The following CKS1B variants were observed in gnomAD, a reference collection of about 807,000 sequenced individuals.
The protein encoded by CKS1B is CDC28 protein kinase regulatory subunit 1B.
Under a neutral mutation model 12.2 loss-of-function variants are expected in CKS1B, and 5 were observed. The observed-to-expected ratio is 0.41, with a 90% CI of 0.21 to 0.86. The LOEUF (loss-of-function observed/expected upper bound fraction) is 0.86. Among genes scored for constraint, CKS1B ranks in the 40% least tolerant of loss-of-function variants. The probability of loss-of-function intolerance (pLI) is 0.32; values close to 1 mark genes in which losing one functional copy is unlikely to be tolerated. For missense variants in CKS1B, 53 were observed against 99.9 expected, an observed-to-expected ratio of 0.53 and a Z score of 2.00; for synonymous variants, 24 against 34.4, an observed-to-expected ratio of 0.70 and a Z score of 1.06.
intron 1 of CKS1B, among the ~76,000 whole-genome samples, chr1:154,976,242 T>C (rs1374379638): frequency 6.6e-6 from 1 of 152,254 alleles, no homozygotes; most frequent in Non-Finnish European, 1.5e-5. Flanking sequence ...AGGATGGTGA[T>C]GATGGAATCC....
At chr1:154,977,878 C>A (rs761528600) in intron 1 of CKS1B, 109 bp from the exon 2 acceptor site, 3 of 1,131,376 alleles carry the variant, frequency 2.7e-6, no homozygotes, top group Non-Finnish European at 3.7e-6. Context: ...TAAACTCTGA[C>A]ATCAAAAACC....
At chr1:154,975,252 GAA>G (rs1213019548) in intron 1 of CKS1B, 2 of 507,238 alleles carry the variant, frequency 3.9e-6, no homozygotes, top group Non-Finnish European at 7.1e-6. Flanking sequence ...ATTAACTCGT[GAA>G]AAAGACAAGG....
chr1:154,978,827 T>G lies in CKS1B; in HGVS notation c.*50T>G. On this transcript the variant is annotated 3_prime_UTR_variant, in exon 3 of 3. Transcript: ENST00000308987. ...CAAGCTTTACACAGCTGTCCTTACT[T>G]CCTAACATCTTTCTGATAACATTAT... is the stretch of plus-strand genomic sequence containing the variant. 1 of 1,082,986 alleles carries G rather than the reference T, an allele frequency of 9.2e-7. No homozygotes were observed. The highest frequency in any genetic ancestry group is 1.4e-6 in the Non-Finnish European group (1 of 705,340). 67.1% of individuals were successfully genotyped at this position (1,082,986 alleles called of 1,614,324 possible).
chr1:154,978,654 T>C, intron 2 of CKS1B, 71 bp from the exon 3 acceptor site: 1 of 1,247,292 alleles, frequency 8.0e-7, no homozygotes, highest in Non-Finnish European at 1.2e-6. Context: ...GGGGAGGTGG[T>C]AGTGGAATAC....
At chr1:154,978,208 G>T (rs1657237442) in intron 2 of CKS1B, 94 bp downstream of exon 2, 2 of 1,258,574 alleles carry the variant, frequency 1.6e-6, no homozygotes, top group South Asian at 1.9e-5. Flanking sequence ...GATAGGAAAT[G>T]GTTTACTGGT....
rs780925580 is a variant in CKS1B at position 154,974,766 on chromosome 1, C to T, written c.21C>T (p.Tyr7=). Residue 7 remains tyrosine, a synonymous_variant, in exon 1 of 3, where the codon TAC becomes TAT. Coordinates refer to ENST00000308987, the MANE Select transcript of CKS1B (RefSeq NM_001826.3). Reference sequence around the variant, plus strand: ...CGATCATGTCGCACAAACAAATTTACTATTCGGACAAATACGACGACGAGG... The same window carrying T: ...CGATCATGTCGCACAAACAAATTTATTATTCGGACAAATACGACGACGAGG... MSHKQI[Y]YSDKYDDEEF... 2.5e-6 allele frequency: 4 copies of T among 1,611,768 alleles called. No individual in the cohort carries two copies. In the East Asian group the frequency reaches 6.7e-5, roughly 27 times the overall value.
chr1:154,978,555 T>G (rs866844611), intron 2 of CKS1B, 170 bp from the exon 3 acceptor site: 2 of 622,142 alleles, frequency 3.2e-6, no homozygotes, highest in Middle Eastern at 5.1e-4. Flanking sequence ...AATTCTGTAC[T>G]TGGCAGACAG....
intron 1 of CKS1B, chr1:154,975,517 C>T (rs761301129): frequency 6.3e-6 from 1 of 158,464 alleles, no homozygotes; most frequent in Non-Finnish European, 1.4e-5. Flanking sequence ...GTGACACACG[C>T]TATGCAAGGA....
chr1:154,978,702 T>G, intron 2 of CKS1B, 23 bp from the exon 3 acceptor site: 3 of 1,611,838 alleles, frequency 1.9e-6, no homozygotes, highest in Non-Finnish European at 2.5e-6. Flanking sequence ...AGCTTGTCTC[T>G]TAGATTTCCC....
intron 1 of CKS1B, chr1:154,975,006 A>G (rs535239102): frequency 1.0e-5 from 15 of 1,473,408 alleles, no homozygotes; most frequent in South Asian, 3.4e-5. Context: ...GCGAATTTGG[A>G]GTCGCCTCTC....
At chr1:154,976,882 T>C (rs933014471) in intron 1 of CKS1B, among the ~76,000 whole-genome samples, 2 of 152,222 alleles carry the variant, frequency 1.3e-5, no homozygotes, top group African/African-American at 4.8e-5. Context: ...ACGAAGACTA[T>C]GTGGATTAGT....
At chr1:154,977,846 G>T in intron 1 of CKS1B, 141 bp from the exon 2 acceptor site, 1 of 764,522 alleles carries the variant, frequency 1.3e-6, no homozygotes, top group East Asian at 2.8e-5. Context: ...TCTAGCTGCT[G>T]CTACCCCACA....
chr1:154,977,778 T>G (rs1657226954), intron 1 of CKS1B: 2 of 526,604 alleles, frequency 3.8e-6, no homozygotes. Context: ...TCACTGGAAT[T>G]ATTCACTAAT....
Position 154,978,843 on chromosome 1 carries a change from A to C in CKS1B, c.*66A>C. 1 of 949,778 alleles carries C rather than the reference A, an allele frequency of 1.1e-6. No homozygotes were observed. Among genetic ancestry groups the C allele is most frequent in the Non-Finnish European group, 1.7e-6 (1 of 589,990 alleles). The allele number at this position is 949,778 out of a possible 1,614,324, so 58.8% of individuals were successfully genotyped here. A position where few individuals can be genotyped will look rare whatever the true frequency, so the allele number is the denominator to read the frequency against. On this transcript the variant is annotated 3_prime_UTR_variant, in exon 3 of 3. Transcript: ENST00000308987. ...GTCCTTACTTCCTAACATCTTTCTGATAACATTATTATGTTGCCTTCTTGT... is the reference window on the plus strand; with the variant it reads ...GTCCTTACTTCCTAACATCTTTCTGCTAACATTATTATGTTGCCTTCTTGT...
chr1:154,976,528 C>G (rs1008671449), intron 1 of CKS1B, among the ~76,000 whole-genome samples: 6 of 152,178 alleles, frequency 3.9e-5, no homozygotes, highest in Non-Finnish European at 8.8e-5. Flanking sequence ...CATCTTTATG[C>G]CAAGACGGCT....
At chr1:154,975,418 G>C (rs1434135084) in intron 1 of CKS1B, 1 of 184,968 alleles carries the variant, frequency 5.4e-6, no homozygotes, top group South Asian at 9.0e-5. Context: ...ACAGGTTTCA[G>C]GTGTTCTGCT....
intron 1 of CKS1B, chr1:154,975,216 A>G (rs1014757232): frequency 1.2e-5 from 7 of 568,158 alleles, no homozygotes; most frequent in Non-Finnish European, 2.2e-5. Context: ...ACAGGAGAGT[A>G]GCGCTGAGAG....
At chr1:154,975,002 T>C in intron 1 of CKS1B, 198 bp downstream of exon 1, 3 of 1,501,804 alleles carry the variant, frequency 2.0e-6, no homozygotes, top group Non-Finnish European at 2.8e-6. Context: ...GGTTGCGAAT[T>C]TGGAGTCGCC....
intron 1 of CKS1B, 170 bp downstream of exon 1, chr1:154,974,974 G>A: frequency 2.5e-6 from 4 of 1,601,126 alleles, no homozygotes; most frequent in Middle Eastern, 1.9e-4. Flanking sequence ...GAGGTGGGAG[G>A]CGCTCGTAAA....
Sources: gnomAD v4.1 joint callset for allele counts (sites outside exome capture counted in the v4.1 genomes callset) on GRCh38, gnomAD v4.1.1 for gene constraint, MANE v1.5 for transcripts, NCBI Gene and HGNC (gene_info 2026-07-23, HGNC 2026-07-21) for gene names.